MAD1L1: variants seen among roughly 807,000 people sequenced by gnomAD.
MAD1L1 encodes mitotic arrest deficient 1 like 1, also known as mitotic spindle assembly checkpoint protein MAD1.
MAD1L1 carries 95 observed loss-of-function variants against 96.9 expected under a neutral mutation model. That is an observed-to-expected ratio of 0.98 (90% confidence interval 0.83 to 1.16). The LOEUF (loss-of-function observed/expected upper bound fraction) is 1.16, where lower values mean the gene tolerates loss of function less well. Among genes scored for constraint, MAD1L1 ranks in the 50% most tolerant of loss-of-function variants. The pLI is 0.00. For synonymous variants in MAD1L1, 473 were observed against 396.6 expected (o/e 1.19, Z -2.29); for missense variants, 1,007 against 954.4 (o/e 1.06, Z -0.73).
intron 11 of MAD1L1, among the ~76,000 whole-genome samples, chr7:2,147,490 C>T (rs1789367674): frequency 6.6e-6 from 1 of 152,238 alleles, no homozygotes; most frequent in Non-Finnish European, 1.5e-5. Context: ...TTGTGAGAAC[C>T]CAGGATTTCA....
At chr7:2,083,243 C>T (rs1785742252) in intron 11 of MAD1L1, among the ~76,000 whole-genome samples, 1 of 152,216 alleles carries the variant, frequency 6.6e-6, no homozygotes, top group Non-Finnish European at 1.5e-5. Flanking sequence ...AGGAAGGCAC[C>T]CATTCGCCCA....
At chr7:1,994,362 C>T (rs879573355) in intron 14 of MAD1L1, among the ~76,000 whole-genome samples, 2 of 152,134 alleles carry the variant, frequency 1.3e-5, no homozygotes, top group South Asian at 2.1e-4. Context: ...CCTGAGGCTC[C>T]GCTGAACTGA....
chr7:2,095,307 G>C (rs914051977), intron 11 of MAD1L1, among the ~76,000 whole-genome samples: 4 of 152,186 alleles, frequency 2.6e-5, no homozygotes, highest in Non-Finnish European at 4.4e-5. Context: ...GCCTCCCAAA[G>C]TGCTGGGATT....
chr7:2,084,955 C>A (rs1193391639), intron 11 of MAD1L1, among the ~76,000 whole-genome samples: 1 of 152,158 alleles, frequency 6.6e-6, no homozygotes, highest in Non-Finnish European at 1.5e-5. Context: ...GAACATACAT[C>A]GTCACGTTTA....
intron 18 of MAD1L1, 147 bp downstream of exon 18, chr7:1,898,048 AGGACG>A (rs1421198352): frequency 1.3e-6 from 1 of 791,148 alleles, no homozygotes; most frequent in Admixed American, 2.2e-5. Flanking sequence ...GGGGGTGACG[AGGACG>A]GGCCAGTGCA....
intron 14 of MAD1L1, among the ~76,000 whole-genome samples, chr7:1,985,070 C>T (rs931884079): frequency 5.9e-5 from 9 of 152,184 alleles, no homozygotes; most frequent in African/African-American, 1.2e-4. Flanking sequence ...TAGTCTGTGA[C>T]GGTTCATTCC....
In MAD1L1 at chr7:1,890,234, T is replaced by A. The variant is rs563732756; in HGVS notation, c.1998+7966A>T. 4.9e-4 allele frequency among the ~76,000 whole-genome samples: 74 copies of A among 152,324 alleles called. 1 individual carries two copies. The highest frequency in any genetic ancestry group is 1.4e-3 in the Admixed American group (21 of 15,312). On this transcript the variant is annotated intron_variant, in intron 18 of 18. Coordinates refer to ENST00000265854, the MANE Select transcript of MAD1L1 (RefSeq NM_001013836.2). ...GTTGGTACGTCCCTGACAAGTCTCA[T>A]ATTGAAATGGGATCCCCAATGTTGG...
intron 11 of MAD1L1, among the ~76,000 whole-genome samples, chr7:2,139,690 G>A (rs906036292): frequency 2.6e-5 from 4 of 152,192 alleles, no homozygotes; most frequent in African/African-American, 9.7e-5. Flanking sequence ...AAGGCTGATG[G>A]GGGAGGAAGC....
At chr7:2,091,762 C>T (rs910150124) in intron 11 of MAD1L1, among the ~76,000 whole-genome samples, 2 of 146,084 alleles carry the variant, frequency 1.4e-5, no homozygotes, top group Admixed American at 7.0e-5. Context: ...GGCGACAGAG[C>T]GAGACTCCAT....
chr7:2,126,512 C>G (rs902044961), intron 11 of MAD1L1, among the ~76,000 whole-genome samples: 2 of 152,128 alleles, frequency 1.3e-5, no homozygotes, highest in Non-Finnish European at 2.9e-5. Context: ...AGCGGGGACA[C>G]CTGACCTGAC....
chr7:2,106,332 C>T (rs1023270399), intron 11 of MAD1L1, among the ~76,000 whole-genome samples: 4 of 151,912 alleles, frequency 2.6e-5, no homozygotes, highest in African/African-American at 9.7e-5. Context: ...TCCCCACTTC[C>T]CAGGCCCGGC....
chr7:2,137,213 T>C (rs911279657), intron 11 of MAD1L1, among the ~76,000 whole-genome samples: 1 of 152,238 alleles, frequency 6.6e-6, no homozygotes, highest in Non-Finnish European at 1.5e-5. Context: ...CATCTCCCTA[T>C]TCTCTTCCTG....
At chr7:2,099,476 G>C (rs967315932) in intron 11 of MAD1L1, among the ~76,000 whole-genome samples, 5 of 152,208 alleles carry the variant, frequency 3.3e-5, no homozygotes. Flanking sequence ...AAATGTTCAA[G>C]CACTTTTTTC....
At chr7:2,062,272 A>C (rs866500578) in intron 12 of MAD1L1, among the ~76,000 whole-genome samples, 12 of 141,754 alleles carry the variant, frequency 8.5e-5, no homozygotes, top group Admixed American at 2.1e-4. Context: ...AAAAAAAAAA[A>C]AAAACAGGGA....
At chr7:2,079,264 C>G (rs1157065354) in intron 11 of MAD1L1, among the ~76,000 whole-genome samples, 1 of 152,188 alleles carries the variant, frequency 6.6e-6, no homozygotes, top group Non-Finnish European at 1.5e-5. Context: ...GGCAGGTGCC[C>G]CAGGACATCA....
At chr7:2,160,216 A>T (rs892385580) in intron 10 of MAD1L1, among the ~76,000 whole-genome samples, 2 of 151,162 alleles carry the variant, frequency 1.3e-5, no homozygotes, top group Non-Finnish European at 2.9e-5. Flanking sequence ...GGTGACAGAC[A>T]GAATGATACC....
intron 18 of MAD1L1, chr7:1,848,016 A>G: frequency 2.9e-6 from 1 of 339,972 alleles, no homozygotes; most frequent in South Asian, 2.3e-5. Flanking sequence ...GTGGACTCTC[A>G]TGACAGAGAA....
intron 17 of MAD1L1, among the ~76,000 whole-genome samples, chr7:1,932,652 G>C (rs1239859020): frequency 3.3e-5 from 5 of 152,218 alleles, no homozygotes; most frequent in Non-Finnish European, 7.3e-5. Context: ...TTCGTCCTGT[G>C]TCCTGAATCT....
intron 12 of MAD1L1, among the ~76,000 whole-genome samples, chr7:2,038,090 A>G (rs1387933604): frequency 6.6e-6 from 1 of 152,204 alleles, no homozygotes; most frequent in Non-Finnish European, 1.5e-5. Context: ...CTTATTGCTG[A>G]TACGGAGAAG....
Sources: allele counts gnomAD v4.1 joint callset (sites outside exome capture counted in the v4.1 genomes callset), GRCh38; gene constraint gnomAD v4.1.1; transcripts MANE v1.5; gene names NCBI Gene and HGNC (gene_info 2026-07-23, HGNC 2026-07-21).